FAM120A: variants seen among roughly 807,000 people sequenced by gnomAD.
FAM120A encodes the protein family with sequence similarity 120 member A.
Under a neutral mutation model 109.7 loss-of-function variants are expected in FAM120A, and 15 were observed. The ratio of observed to expected loss-of-function variants is 0.14; its 90% CI spans 0.09 to 0.21. The LOEUF is 0.21. Among genes scored for constraint, FAM120A ranks in the 10% least tolerant of loss-of-function variants. The pLI is 1.00. For synonymous variants in FAM120A, 493 were observed against 572.8 expected, an observed-to-expected ratio of 0.86 and a Z score of 1.99; for missense variants, 899 against 1,439.3, an observed-to-expected ratio of 0.62 and a Z score of 6.07.
At chr9:93,462,157 C>G (rs946282984) in intron 1 of FAM120A, among the ~76,000 whole-genome samples, 1 of 152,176 alleles carries the variant, frequency 6.6e-6, no homozygotes, top group African/African-American at 2.4e-5. Flanking sequence ...AGCACCTAGG[C>G]CTTCTGAGAA....
intron 10 of FAM120A, among the ~76,000 whole-genome samples, chr9:93,536,996 G>A (rs1375498335): frequency 2.6e-5 from 4 of 152,222 alleles, no homozygotes; most frequent in East Asian, 1.9e-4. Flanking sequence ...TCCTGCAGAC[G>A]TGATCCACGG....
At chr9:93,543,651 T>C (rs1183710354) in intron 11 of FAM120A, among the ~76,000 whole-genome samples, 180 bp downstream of exon 11, 3 of 152,236 alleles carry the variant, frequency 2.0e-5, no homozygotes, top group African/African-American at 7.2e-5. Context: ...ATGCAAAATA[T>C]ATTTTAATTT....
At chr9:93,501,629 G>C (rs1175327451) in intron 5 of FAM120A, among the ~76,000 whole-genome samples, 1 of 152,100 alleles carries the variant, frequency 6.6e-6, no homozygotes, top group Non-Finnish European at 1.5e-5. Flanking sequence ...TATGCGGAGG[G>C]ACTAACAAAA....
chr9:93,502,364 G>A (rs1859839366), intron 5 of FAM120A, among the ~76,000 whole-genome samples: 1 of 152,096 alleles, frequency 6.6e-6, no homozygotes, highest in African/African-American at 2.4e-5. Flanking sequence ...TGCTATTTTA[G>A]CATCTTAATT....
chr9:93,529,658 C>A, intron 9 of FAM120A, 78 bp downstream of exon 9: 1 of 1,271,000 alleles, frequency 7.9e-7, no homozygotes, highest in Non-Finnish European at 1.1e-6. Flanking sequence ...TCCTTTTGTC[C>A]TTTTTTGAAC....
At chr9:93,544,175 G>A (rs573859923) in intron 11 of FAM120A, among the ~76,000 whole-genome samples, 3 of 152,230 alleles carry the variant, frequency 2.0e-5, no homozygotes, top group African/African-American at 7.2e-5. Flanking sequence ...ACATTGTCCC[G>A]GCTTATCCTT....
rs571309950 is a variant in FAM120A at position 93,522,145 on chromosome 9, A to G, written c.1419-5010A>G. ...GAGGTGTTTATTTTATGTTATTTTC[A>G]TAGATTCATTTGGACTTGCAGAATC... On this transcript the variant is annotated intron_variant, in intron 7 of 17. Transcript: ENST00000277165. Among the ~76,000 whole-genome samples the G allele has an allele frequency of 4.5e-4, 69 of 152,354 alleles. 1 individual carries two copies. Among genetic ancestry groups the G allele is most frequent in the Non-Finnish European group, 7.2e-4 (49 of 68,038 alleles).
intron 1 of FAM120A, among the ~76,000 whole-genome samples, chr9:93,460,920 G>A (rs73651229): frequency 0.056 from 8,481 of 152,242 alleles, 329 homozygotes; most frequent in African/African-American, 0.1. Flanking sequence ...TCTTAACTTA[G>A]GAGATGTGTT....
At chr9:93,554,021 A>G (rs1862195204) in intron 12 of FAM120A, among the ~76,000 whole-genome samples, 1 of 152,052 alleles carries the variant, frequency 6.6e-6, no homozygotes, top group African/African-American at 2.4e-5. Flanking sequence ...ACTTTTCTCT[A>G]TTAGATTAAT....
At chr9:93,471,749 G>T (rs1328242873) in intron 2 of FAM120A, among the ~76,000 whole-genome samples, 1 of 152,148 alleles carries the variant, frequency 6.6e-6, no homozygotes, top group Non-Finnish European at 1.5e-5. Context: ...TATAGTAGAA[G>T]AAAATATGCT....
chr9:93,452,504 C>T lies in FAM120A; in HGVS notation c.474+115C>T. On this transcript the variant is annotated intron_variant, in intron 1 of 17. Coordinates refer to ENST00000277165, the MANE Select transcript of FAM120A (RefSeq NM_014612.5). This position sits in a 1 kb window ranked among gnomAD's most constrained non-coding sequence, Gnocchi z 7.0. The stretch of plus-strand genomic sequence containing the variant: ...GCGGCGCTGGGGGCAGCGAGTTCCC[C>T]CAGCCCTTGCCCGGGATAGCCTGGC... 1 of 1,548,000 alleles carries T rather than the reference C, an allele frequency of 6.5e-7. No individual in the cohort carries two copies. The highest frequency in any genetic ancestry group is 1.9e-5 in the Admixed American group (1 of 51,766).
intron 2 of FAM120A, among the ~76,000 whole-genome samples, chr9:93,474,212 G>A (rs1588801239): frequency 6.6e-6 from 1 of 152,168 alleles, no homozygotes; most frequent in East Asian, 1.9e-4. Context: ...TTTTGAGATG[G>A]AGTCTCTCTC....
chr9:93,559,155 A>C (rs765841593), intron 15 of FAM120A, among the ~76,000 whole-genome samples: 3 of 152,262 alleles, frequency 2.0e-5, no homozygotes, highest in African/African-American at 7.2e-5. Context: ...AAACATTTTT[A>C]AACAAAGATC....
At chr9:93,558,844 GTCCCCGC>G in intron 15 of FAM120A, 126 bp downstream of exon 15, 1 of 1,105,144 alleles carries the variant, frequency 9.0e-7, no homozygotes, top group Non-Finnish European at 1.3e-6. Flanking sequence ...TTTCTTCTGG[GTCCCCGC>G]TCTGACCCTC....
rs1862565491 is a variant in FAM120A at position 93,564,239 on chromosome 9, C to T, written c.3056C>T (p.Pro1019Leu). ...KNQAAIQGRP[P>L]YAASAEEVAK... The stretch of plus-strand genomic sequence containing the variant: ...CTTCATTTTAAACAGGGCAGACCTC[C>T]TTATGCTGCTTCAGCAGAAGAAGTG... The change falls in exon 18 of 18, where the codon CCT (proline) becomes CTT (leucine). Residue 1019 changes from proline to leucine, a missense_variant. Physicochemically the swap from Pro to Leu is moderately conservative, Grantham distance 98 (BLOSUM62 -3). Around this residue, in one of 11 missense-constraint regions of FAM120A, gnomAD observed 170 missense variants for 205.0 expected, o/e 0.83. Transcript: ENST00000277165. 3 of 1,611,930 alleles carry T rather than the reference C, an allele frequency of 1.9e-6. No homozygotes were observed. The African/African-American group carries it at 4.0e-5, about 22-fold the overall frequency.
At position 93,452,140 on chromosome 9, in the gene FAM120A, T is replaced by G. The variant is rs768464979; in HGVS notation, c.225T>G (p.Leu75=). 1.2e-6 allele frequency: 2 copies of G among 1,611,738 alleles called. No individual in the cohort carries two copies. The highest frequency in any genetic ancestry group is 2.2e-5 in the South Asian group (2 of 91,020). The change falls in exon 1 of 18, where the codon CTT becomes CTG. Residue 75 remains leucine (L), a synonymous_variant. Coordinates refer to ENST00000277165, the MANE Select transcript of FAM120A (RefSeq NM_014612.5). The surrounding 1 kb of genome is among the most constrained non-coding windows in gnomAD (Gnocchi z 7.0). The part of the protein sequence containing the change: ...WVSGGQWNHM[L]GYLAALAKAC... Reference sequence around the variant, plus strand: ...GCGGCGGCCAGTGGAACCACATGCTTGGCTACCTGGCGGCGCTGGCCAAGG... The same window carrying G: ...GCGGCGGCCAGTGGAACCACATGCTGGGCTACCTGGCGGCGCTGGCCAAGG...
intron 3 of FAM120A, among the ~76,000 whole-genome samples, chr9:93,483,420 G>C (rs1858908733): frequency 1.3e-5 from 2 of 152,016 alleles, no homozygotes; most frequent in South Asian, 4.1e-4. Context: ...GAAAAAAAGA[G>C]AGACAGGCAA....
intron 15 of FAM120A, among the ~76,000 whole-genome samples, chr9:93,559,069 T>G (rs563108929): frequency 5.9e-5 from 9 of 152,320 alleles, no homozygotes; most frequent in African/African-American, 2.2e-4. Context: ...TTGGTAAAGA[T>G]TATCATGCTT....
At chr9:93,481,374 CATG>C (rs1858798348) in intron 3 of FAM120A, among the ~76,000 whole-genome samples, 1 of 152,064 alleles carries the variant, frequency 6.6e-6, no homozygotes, top group African/African-American at 2.4e-5. Flanking sequence ...TTTAAAAAAA[CATG>C]TTTCTTGTTG....
Sources: gnomAD v4.1 joint callset for allele counts (sites outside exome capture counted in the v4.1 genomes callset) on GRCh38, gnomAD v4.1.1 for gene constraint, gnomAD v4.1.1 regional missense constraint, Gnocchi (gnomAD v3.1) non-coding constraint, MANE v1.5 for transcripts, NCBI Gene and HGNC (gene_info 2026-07-23, HGNC 2026-07-21) for gene names.